The following DLGAP2 variants were observed in gnomAD, a reference collection of about 807,000 sequenced individuals.
DLGAP2 encodes the protein DLG associated protein 2.
DLGAP2 carries 26 observed loss-of-function variants against 100.3 expected under a neutral mutation model. The ratio of observed to expected loss-of-function variants is 0.26; its 90% confidence interval spans 0.19 to 0.36. The LOEUF is 0.36. Among genes scored for constraint, DLGAP2 ranks in the 10% least tolerant of loss-of-function variants. The pLI, the probability that DLGAP2 is intolerant of heterozygous loss-of-function variation, is 1.00. For synonymous variants in DLGAP2, 886 were observed against 630.1 expected, an observed-to-expected ratio of 1.41 and a Z score of -6.08; for missense variants, 1,858 against 1,453.2, an observed-to-expected ratio of 1.28 and a Z score of -4.53.
intron 2 of DLGAP2, among the ~76,000 whole-genome samples, chr8:1,065,510 A>G (rs1803217387): frequency 6.6e-6 from 1 of 152,112 alleles, no homozygotes; most frequent in Admixed American, 6.6e-5. Flanking sequence ...TTTGCTTGTA[A>G]CTCTGTGGTT....
chr8:1,412,700 GA>G (rs1225525966), intron 3 of DLGAP2, among the ~76,000 whole-genome samples: 4 of 152,162 alleles, frequency 2.6e-5, no homozygotes, highest in African/African-American at 7.2e-5. Flanking sequence ...TGTAATTATT[GA>G]GTCTTTCTTG....
rs1799616349 is a variant in DLGAP2, at chr8:1,703,023, T to TCGATGTG, written c.*1620_*1626dup. The TCGATGTG allele has an allele frequency of 6.6e-6, 1 of 152,642 alleles. No individual in the cohort carries two copies. The allele number at this position is 152,642 out of a possible 1,614,324, so 9.5% of individuals were successfully genotyped here. The stretch of plus-strand genomic sequence containing the variant: ...CTGCAGCCCGTGGCTGGCAGGGCGT[T>TCGATGTG]CGATGTGCGGTTGGCCCCCAGCGCG... On this transcript the variant is annotated 3_prime_UTR_variant, in exon 15 of 15. Coordinates refer to ENST00000637795, the MANE Select transcript of DLGAP2 (RefSeq NM_001346810.2).
At chr8:1,221,511 C>T (rs1798313956) in intron 2 of DLGAP2, among the ~76,000 whole-genome samples, 1 of 152,118 alleles carries the variant, frequency 6.6e-6, no homozygotes, top group African/African-American at 2.4e-5. Flanking sequence ...CCTGCCTCCT[C>T]TCTAGCTGCA....
intron 3 of DLGAP2, among the ~76,000 whole-genome samples, chr8:1,313,640 A>C (rs1003231169): frequency 2.2e-4 from 34 of 152,206 alleles, no homozygotes; most frequent in Non-Finnish European, 8.8e-5. Context: ...TTCAGGCTTC[A>C]CAGCGGCAGG....
At chr8:1,027,691 G>A (rs28733138) in intron 2 of DLGAP2, among the ~76,000 whole-genome samples, 3,123 of 131,328 alleles carry the variant, frequency 0.024, 89 homozygotes, top group African/African-American at 0.063. Flanking sequence ...CCAGGCGCCC[G>A]TTATTCTCCA....
chr8:1,034,541 C>T (rs1222670727), intron 2 of DLGAP2, among the ~76,000 whole-genome samples: 3 of 92,818 alleles, frequency 3.2e-5, no homozygotes, highest in Non-Finnish European at 6.3e-5. Context: ...CCCGACCCCG[C>T]GTGTCACCGC....
chr8:880,969 A>G (rs906324148), intron 1 of DLGAP2, among the ~76,000 whole-genome samples: 2 of 152,218 alleles, frequency 1.3e-5, no homozygotes, highest in South Asian at 2.1e-4. Flanking sequence ...CCAACTTTCT[A>G]TCTCCAGGAC....
intron 2 of DLGAP2, among the ~76,000 whole-genome samples, chr8:1,078,608 G>C (rs1274165585): frequency 6.6e-6 from 1 of 152,134 alleles, no homozygotes; most frequent in Non-Finnish European, 1.5e-5. Context: ...ATCTTTTACT[G>C]TCTTCATAGT....
At chr8:985,607 T>C (rs1042273922) in intron 2 of DLGAP2, among the ~76,000 whole-genome samples, 1 of 152,230 alleles carries the variant, frequency 6.6e-6, no homozygotes. Flanking sequence ...ATGTAGGAGG[T>C]TTATAATGTT....
intron 1 of DLGAP2, among the ~76,000 whole-genome samples, chr8:823,202 CT>C (rs1249558875): frequency 1.3e-5 from 2 of 152,094 alleles, no homozygotes; most frequent in African/African-American, 4.8e-5. Flanking sequence ...ATGGTGTTGA[CT>C]TCAGGCTGCC....
chr8:1,331,232 A>T (rs562208873), intron 3 of DLGAP2, among the ~76,000 whole-genome samples: 132 of 152,340 alleles, frequency 8.7e-4, no homozygotes, highest in Non-Finnish European at 1.1e-3. Flanking sequence ...AGTTGAAGCC[A>T]TACTGTGTGC....
rs7829934 is a variant in DLGAP2 at position 1,282,922 on chromosome 8, C to G, written c.106+24039C>G. On this transcript the variant is annotated intron_variant, in intron 3 of 14. Coordinates refer to ENST00000637795, the MANE Select transcript of DLGAP2 (RefSeq NM_001346810.2). ...GTGTGACCTGAACCCAGCACGTGAA[C>G]CATCCAGACATGGTGTGACCTGAAC... Among the ~76,000 whole-genome samples, 13 of 106,504 alleles carry G rather than the reference C, an allele frequency of 1.2e-4. 1 individual carries two copies. The highest frequency in any genetic ancestry group is 1.4e-4 in the Non-Finnish European group (7 of 48,496). The allele number at this position is 106,504 out of a possible 152,430, so 69.9% of individuals were successfully genotyped here.
At chr8:793,161 C>T (rs1795953868) in intron 1 of DLGAP2, among the ~76,000 whole-genome samples, 1 of 152,172 alleles carries the variant, frequency 6.6e-6, no homozygotes, top group African/African-American at 2.4e-5. Context: ...TGATGTCTAT[C>T]TTCTAGAGAG....
At chr8:795,791 G>A (rs80006508) in intron 1 of DLGAP2, among the ~76,000 whole-genome samples, 39,341 of 41,286 alleles carry the variant, frequency 0.95, 18,914 homozygotes, top group East Asian at 0.97. Context: ...GCAGGCGTCC[G>A]GTGAGAACAG....
At chr8:1,010,992 G>A (rs1363555250) in intron 2 of DLGAP2, among the ~76,000 whole-genome samples, 4 of 147,644 alleles carry the variant, frequency 2.7e-5, no homozygotes, top group Non-Finnish European at 5.9e-5. Flanking sequence ...AGCCCCGGGC[G>A]AGGGGCCTCA....
At chr8:1,065,533 A>G (rs1563172718) in intron 2 of DLGAP2, among the ~76,000 whole-genome samples, 1 of 152,188 alleles carries the variant, frequency 6.6e-6, no homozygotes, top group Non-Finnish European at 1.5e-5. Context: ...GGAGTACAAC[A>G]TCCTCTAAAC....
At chr8:1,405,378 C>T (rs1372948261) in intron 3 of DLGAP2, among the ~76,000 whole-genome samples, 15 of 15,770 alleles carry the variant, frequency 9.5e-4, no homozygotes, top group African/African-American at 1.3e-3. Context: ...TACTGAGCGC[C>T]CCCTCCTCGT....
At chr8:1,439,001 C>A (rs147134886) in intron 3 of DLGAP2, among the ~76,000 whole-genome samples, 1 of 152,028 alleles carries the variant, frequency 6.6e-6, no homozygotes, top group Non-Finnish European at 1.5e-5. Context: ...TATGAAGAAA[C>A]AAAGCTTATG....
At chr8:897,965 C>A (rs1798177277) in intron 1 of DLGAP2, among the ~76,000 whole-genome samples, 2 of 152,282 alleles carry the variant, frequency 1.3e-5, no homozygotes, top group South Asian at 4.2e-4. Flanking sequence ...GTGGTGACCT[C>A]CATCCAGGCC....
Sources: allele counts gnomAD v4.1 joint callset (sites outside exome capture counted in the v4.1 genomes callset), GRCh38; gene constraint gnomAD v4.1.1; transcripts MANE v1.5; gene names NCBI Gene and HGNC (gene_info 2026-07-23, HGNC 2026-07-21).